Variants in VWA3A observed in about 807,000 individuals in gnomAD.
VWA3A encodes von Willebrand factor A domain-containing protein 3A.
In VWA3A, 134 loss-of-function variants were observed where a neutral mutation model predicts 160.4. The ratio of observed to expected loss-of-function variants is 0.84; its 90% confidence interval spans 0.73 to 0.96. The LOEUF (loss-of-function observed/expected upper bound fraction) is 0.96, where lower values mean the gene tolerates loss of function less well. VWA3A is among the 40% of genes least tolerant of loss of function. VWA3A has a pLI of 0.00. For synonymous variants in VWA3A, 476 were observed against 543.4 expected (o/e 0.88, Z 1.72); for missense variants, 1,310 against 1,447.9 (o/e 0.90, Z 1.55).
chr16:22,132,827 G>A (rs1428460400), intron 19 of VWA3A, 73 bp from the exon 20 acceptor site: 1 of 1,474,786 alleles, frequency 6.8e-7, no homozygotes. Flanking sequence ...ACATGGCCAG[G>A]CTGGGCTGCC....
At chr16:22,148,046 C>A in intron 27 of VWA3A, 116 bp from the exon 28 acceptor site, 1 of 1,299,930 alleles carries the variant, frequency 7.7e-7, no homozygotes, top group Non-Finnish European at 1.0e-6. Flanking sequence ...AATCAATGAT[C>A]AGGCAGGCAA....
At chr16:22,128,993 G>A (rs2045900178) in intron 17 of VWA3A, among the ~76,000 whole-genome samples, 1 of 151,982 alleles carries the variant, frequency 6.6e-6, no homozygotes, top group African/African-American at 2.4e-5. Flanking sequence ...TTAATACCTG[G>A]GTGATGAAAT....
intron 24 of VWA3A, 89 bp downstream of exon 24, chr16:22,141,781 C>A: frequency 8.9e-7 from 1 of 1,126,184 alleles, no homozygotes; most frequent in Non-Finnish European, 1.3e-6. Context: ...GGAGACCCCT[C>A]CTGCTGTCCC....
chr16:22,152,467 T>C, intron 30 of VWA3A, 44 bp from the exon 31 acceptor site: 1 of 1,605,980 alleles, frequency 6.2e-7, no homozygotes, highest in Non-Finnish European at 8.5e-7. Flanking sequence ...CGAACTTGCC[T>C]GGTCAGTCAG....
chr16:22,133,168 C>T, intron 20 of VWA3A, 73 bp downstream of exon 20: 2 of 1,462,308 alleles, frequency 1.4e-6, no homozygotes, highest in Non-Finnish European at 1.9e-6. Flanking sequence ...CTCCCTTAGA[C>T]CACAGATGTA....
chr16:22,128,628 T>C (rs6497572), intron 17 of VWA3A, among the ~76,000 whole-genome samples: 79,208 of 152,118 alleles, frequency 0.52, 25,044 homozygotes, highest in African/African-American at 0.87. Flanking sequence ...GACAAATGCA[T>C]GTATATGTGC....
Position 22,156,119 on chromosome 16 carries a change from T to C in VWA3A, c.*102T>C. On this transcript the variant is annotated 3_prime_UTR_variant, in exon 34 of 34. Transcript: ENST00000389398. ...GAAATGCTGTGACCTGCAGGAAACA[T>C]GATTCCTGGTACCAGGACTCTCTGG... The C allele has an allele frequency of 1.7e-6, 1 of 601,116 alleles. No homozygotes were observed. The highest frequency in any genetic ancestry group is 2.9e-6 in the Non-Finnish European group (1 of 343,126). The allele number at this position is 601,116 out of a possible 1,614,324, so 37.2% of individuals were successfully genotyped here.
chr16:22,119,451 G>A (rs914911039), intron 12 of VWA3A, among the ~76,000 whole-genome samples: 3 of 152,164 alleles, frequency 2.0e-5, no homozygotes, highest in Non-Finnish European at 4.4e-5. Flanking sequence ...CCAGAGAATC[G>A]CTTGAGTCCA....
chr16:22,098,904 G>C (rs1040470223), intron 3 of VWA3A, among the ~76,000 whole-genome samples: 4 of 64,606 alleles, frequency 6.2e-5, no homozygotes, highest in African/African-American at 2.5e-4. Flanking sequence ...GTGAAACCCT[G>C]TTTCCACAAA....
chr16:22,119,125 G>A, intron 12 of VWA3A, 98 bp downstream of exon 12: 1 of 1,437,198 alleles, frequency 7.0e-7, no homozygotes, highest in Non-Finnish European at 9.2e-7. Flanking sequence ...ACAGCTGCCA[G>A]TGCCTGTCAC....
At chr16:22,143,614 G>A (rs2086138608) in intron 25 of VWA3A, among the ~76,000 whole-genome samples, 1 of 152,114 alleles carries the variant, frequency 6.6e-6, no homozygotes, top group Admixed American at 6.6e-5. Context: ...CACTTCAGCA[G>A]CACATATACT....
intron 21 of VWA3A, among the ~76,000 whole-genome samples, chr16:22,136,895 GCA>G (rs113954328): frequency 0.02 from 2,779 of 142,416 alleles, 42 homozygotes; most frequent in Non-Finnish European, 0.024. Flanking sequence ...ACACACACAC[GCA>G]CACACACACA....
At chr16:22,149,532 A>G (rs2046310967) in intron 28 of VWA3A, among the ~76,000 whole-genome samples, 2 of 152,166 alleles carry the variant, frequency 1.3e-5, no homozygotes, top group Admixed American at 6.5e-5. Context: ...GGCACAGGCC[A>G]CTGTGTCTGG....
intron 13 of VWA3A, 56 bp downstream of exon 13, chr16:22,121,159 A>T: frequency 6.2e-7 from 1 of 1,611,212 alleles, no homozygotes; most frequent in South Asian, 1.1e-5. Context: ...AAAAGGCTTG[A>T]ATCCGGCCGG....
At chr16:22,097,538 TG>T (rs1567524470) in intron 2 of VWA3A, 33 bp from the exon 3 acceptor site, 1 of 1,549,444 alleles carries the variant, frequency 6.5e-7, no homozygotes, top group Admixed American at 2.0e-5. Context: ...TGCCCAGTGC[TG>T]GGGCATTGAT....
At chr16:22,149,423 T>A (rs1314917232) in intron 28 of VWA3A, among the ~76,000 whole-genome samples, 1 of 152,114 alleles carries the variant, frequency 6.6e-6, no homozygotes, top group Non-Finnish European at 1.5e-5. Flanking sequence ...AAAATCTTTT[T>A]CGTAGAGATG....
At chr16:22,094,784 G>C (rs768525874) in intron 1 of VWA3A, among the ~76,000 whole-genome samples, 2 of 152,012 alleles carry the variant, frequency 1.3e-5, no homozygotes, top group Non-Finnish European at 2.9e-5. Flanking sequence ...TGGCCAACAT[G>C]GTGAAACCCC....
chr16:22,126,410 C>T (rs983009499), intron 17 of VWA3A, 113 bp downstream of exon 17: 17 of 1,419,338 alleles, frequency 1.2e-5, no homozygotes, highest in Admixed American at 1.1e-4. Flanking sequence ...CATGGTCACC[C>T]GGCTTCCTAG....
chr16:22,097,662 G>A lies in VWA3A; in HGVS notation c.192G>A (p.Leu64=), dbSNP rs2045347147. The change falls in exon 3 of 34, where the codon TTG becomes TTA. Residue 64 remains leucine (L), a synonymous_variant. Transcript: ENST00000389398. ...GGCAAAATTCGGACAATGGATTATT[G>A]GTTACACATGTTAACCAGACACAGG... is the stretch of plus-strand genomic sequence containing the variant. ...GLGQNSDNGL[L]VTHVNQTQDL... The A allele has an allele frequency of 6.4e-7, 1 of 1,551,662 alleles. No individual in the cohort carries two copies. The highest frequency in any genetic ancestry group is 1.4e-5 in the African/African-American group (1 of 73,142).
Sources: allele counts gnomAD v4.1 joint callset (sites outside exome capture counted in the v4.1 genomes callset), GRCh38; gene constraint gnomAD v4.1.1; transcripts MANE v1.5; gene names NCBI Gene and HGNC (gene_info 2026-07-23, HGNC 2026-07-21).